ERCC4: variants seen among roughly 807,000 people sequenced by gnomAD.
ERCC4 encodes the protein DNA repair endonuclease XPF.
A neutral mutation model predicts 76.9 loss-of-function variants in ERCC4; 65 were observed. The observed-to-expected ratio is 0.84, with a 90% CI of 0.69 to 1.04. The LOEUF (loss-of-function observed/expected upper bound fraction) is 1.04. ERCC4 is among the 50% of genes least tolerant of loss of function. The pLI, the probability that ERCC4 is intolerant of heterozygous loss-of-function variation, is 0.00. For missense variants in ERCC4, 1,214 were observed against 1,128.2 expected (o/e 1.08, Z -1.09); for synonymous variants, 463 against 410.1 (o/e 1.13, Z -1.56).
intron 10 of ERCC4, among the ~76,000 whole-genome samples, chr16:13,945,276 G>A (rs2032492723): frequency 6.6e-6 from 1 of 152,150 alleles, no homozygotes; most frequent in Non-Finnish European, 1.5e-5. Context: ...TAGGTGGGGT[G>A]CATACACTCC....
Position 13,939,266 on chromosome 16 carries a change from G to T in ERCC4, c.1904+1408G>T, listed in dbSNP as rs3136174. The stretch of plus-strand genomic sequence containing the variant: ...TAAACAGGTATTTATTAAGCATCTG[G>T]TATGTGCCAGGCCCTGTGCTAATAT... On this transcript the variant is annotated intron_variant, in intron 9 of 10. Coordinates refer to ENST00000311895, the MANE Select transcript of ERCC4 (RefSeq NM_005236.3). Among the ~76,000 whole-genome samples, 528 of 152,270 alleles carry T rather than the reference G, an allele frequency of 3.5e-3. 5 individuals are homozygous for T. The highest frequency in any genetic ancestry group is 0.012 in the African/African-American group (484 of 41,556).
Position 13,949,373 on chromosome 16 carries a change from G to C in ERCC4, c.*1026G>C, listed in dbSNP as rs368797729. On this transcript the variant is annotated 3_prime_UTR_variant, in exon 11 of 11. Transcript: ENST00000311895. ...GCCGAGATCGCACCACTGCACCCCT[G>C]CCTGGGCGACAGAGTGAGACTTTGT... is the stretch of plus-strand genomic sequence containing the variant. The C allele has an allele frequency of 4.3e-6, 1 of 233,332 alleles. No homozygotes were observed. Among genetic ancestry groups the C allele is most frequent in the Non-Finnish European group, 8.5e-6 (1 of 118,196 alleles). The allele number at this position is 233,332 out of a possible 1,614,324, so 14.5% of individuals were successfully genotyped here. A position where few individuals can be genotyped will look rare whatever the true frequency, so the allele number is the denominator to read the frequency against.
At chr16:13,933,508 A>G (rs2032223408) in intron 6 of ERCC4, 1 of 152,836 alleles carries the variant, frequency 6.5e-6, no homozygotes, top group African/African-American at 2.4e-5. Context: ...CAGGAGTTCG[A>G]GACTAGCCTG....
At chr16:13,938,879 G>A (rs919040097) in intron 9 of ERCC4, among the ~76,000 whole-genome samples, 116 of 152,286 alleles carry the variant, frequency 7.6e-4, no homozygotes, top group African/African-American at 2.5e-3. Context: ...TGGAAATGGG[G>A]GTATTTGCTG....
intron 4 of ERCC4, 116 bp downstream of exon 4, chr16:13,928,351 G>T: frequency 4.0e-6 from 3 of 750,494 alleles, no homozygotes; most frequent in Non-Finnish European, 6.7e-6. Flanking sequence ...AATAAAATTG[G>T]AGGTCACTTA....
chr16:13,931,738 A>G (rs1255945797), intron 5 of ERCC4: 1 of 175,774 alleles, frequency 5.7e-6, no homozygotes, highest in Non-Finnish European at 1.2e-5. Flanking sequence ...ATTTTCCTAT[A>G]AATTATTACT....
intron 2 of ERCC4, among the ~76,000 whole-genome samples, chr16:13,925,271 G>A (rs1458063951): frequency 6.6e-6 from 1 of 152,168 alleles, no homozygotes; most frequent in Non-Finnish European, 1.5e-5. Flanking sequence ...CTTAAATTGA[G>A]TTTCTCCTTT....
chr16:13,944,051 C>G (rs1050230036), intron 9 of ERCC4: 1 of 153,018 alleles, frequency 6.5e-6, no homozygotes, highest in Admixed American at 6.5e-5. Context: ...GTACCTAGAG[C>G]ACCACGCAGG....
At chr16:13,936,220 T>C (rs190212862) in intron 8 of ERCC4, among the ~76,000 whole-genome samples, 48 of 152,364 alleles carry the variant, frequency 3.2e-4, no homozygotes, top group Middle Eastern at 3.4e-3. Context: ...TTTCAAGATA[T>C]ATCAGATGAA....
chr16:13,949,555 C>T lies in ERCC4; in HGVS notation c.*1208C>T, dbSNP rs1283902650. The stretch of plus-strand genomic sequence containing the variant: ...CACTAAGCTTTTAAGATTTGATTTT[C>T]CTGCCTTGAGATAAAAAGGAGTGTA... On this transcript the variant is annotated 3_prime_UTR_variant, in exon 11 of 11. Transcript: ENST00000311895. 4.3e-6 allele frequency: 1 copy of T among 232,776 alleles called. No individual in the cohort carries two copies. The highest frequency in any genetic ancestry group is 2.2e-5 in the African/African-American group (1 of 45,284). The allele number at this position is 232,776 out of a possible 1,614,324, so 14.4% of individuals were successfully genotyped here.
intron 1 of ERCC4, among the ~76,000 whole-genome samples, chr16:13,921,158 G>A (rs2141938626): frequency 7.1e-6 from 1 of 140,962 alleles, no homozygotes; most frequent in Non-Finnish European, 1.6e-5. Context: ...AGGAGATGCT[G>A]AGGCGCTGGA....
chr16:13,935,231 G>A lies in ERCC4; in HGVS notation c.1299G>A (p.Leu433=). ...CTCTTGGAGCGGAGGCCTTCTTATT[G>A]AGGCTCTACAGGAAAACCTTTGAGA... is the stretch of plus-strand genomic sequence containing the variant. The part of the protein sequence containing the change: ...YITLGAEAFL[L]RLYRKTFEKD... Residue 433 remains leucine (L), a synonymous_variant, in exon 8 of 11, where the codon TTG becomes TTA. Coordinates refer to ENST00000311895, the MANE Select transcript of ERCC4 (RefSeq NM_005236.3). 1 of 1,614,050 alleles carries A rather than the reference G, an allele frequency of 6.2e-7. No individual in the cohort carries two copies. Among genetic ancestry groups the A allele is most frequent in the Non-Finnish European group, 8.5e-7 (1 of 1,179,974 alleles).
intron 2 of ERCC4, among the ~76,000 whole-genome samples, chr16:13,926,026 C>G (rs1213961729): frequency 1.3e-5 from 2 of 152,102 alleles, no homozygotes; most frequent in Non-Finnish European, 2.9e-5. Context: ...TCTTCTGATT[C>G]TGAAAATTGA....
intron 9 of ERCC4, among the ~76,000 whole-genome samples, chr16:13,938,342 T>C (rs2032346245): frequency 6.6e-6 from 1 of 152,142 alleles, no homozygotes; most frequent in Non-Finnish European, 1.5e-5. Context: ...TTAGGAAGTG[T>C]GTTGTTTGTC....
chr16:13,920,210 G>C lies in ERCC4; in HGVS notation c.45G>C (p.Leu15=). The C allele has an allele frequency of 6.2e-7, 1 of 1,607,578 alleles. No homozygotes were observed. The highest frequency in any genetic ancestry group is 1.3e-5 in the African/African-American group (1 of 75,058). The change falls in exon 1 of 11, where the codon CTG becomes CTC. Residue 15 remains leucine (L), a synonymous_variant. Transcript: ENST00000311895. The part of the protein sequence containing the change: ...QPARRIAMAP[L]LEYERQLVLE... ...CTCGACGGATTGCCATGGCGCCGCTGCTGGAGTACGAGCGACAGCTGGTGC... is the reference window on the plus strand; with the variant it reads ...CTCGACGGATTGCCATGGCGCCGCTCCTGGAGTACGAGCGACAGCTGGTGC...
chr16:13,936,408 T>C (rs1201191222), intron 8 of ERCC4, among the ~76,000 whole-genome samples: 6 of 151,762 alleles, frequency 4.0e-5, no homozygotes, highest in African/African-American at 9.7e-5. Flanking sequence ...CCTTTCAGAG[T>C]AGAGATGAAT....
In ERCC4 at chr16:13,947,773, G is replaced by C. The variant is rs368096448; in HGVS notation, c.2177G>C (p.Arg726Pro). 2 of 1,614,106 alleles carry C rather than the reference G, an allele frequency of 1.2e-6. No individual in the cohort carries two copies. Among genetic ancestry groups the C allele is most frequent in the African/African-American group, 2.7e-5 (2 of 74,932 alleles). ...YILTPEMCVE[R>P]KSISDLIGSL... ...CTCACTCCAGAAATGTGCGTGGAGC[G>C]CAAGAGTATCAGTGATTTAATCGGC... Residue 726 changes from arginine (R) to proline (P), a missense_variant, in exon 11 of 11, where the codon CGC (arginine) becomes CCC (proline). Physicochemically the swap from Arg to Pro is moderately radical, Grantham distance 103. Coordinates refer to ENST00000311895, the MANE Select transcript of ERCC4 (RefSeq NM_005236.3).
chr16:13,934,890 C>T (rs1354381318), intron 7 of ERCC4: 12 of 398,874 alleles, frequency 3.0e-5, no homozygotes, highest in African/African-American at 2.4e-4. Flanking sequence ...CTTTAAAGCC[C>T]CAATTACACC....
At chr16:13,938,966 C>T (rs1645098666) in intron 9 of ERCC4, among the ~76,000 whole-genome samples, 2 of 152,172 alleles carry the variant, frequency 1.3e-5, no homozygotes, top group African/African-American at 2.4e-5. Context: ...CACATCCTCT[C>T]GAATGGTGAT....
Sources: allele counts gnomAD v4.1 joint callset (sites outside exome capture counted in the v4.1 genomes callset), GRCh38; gene constraint gnomAD v4.1.1; transcripts MANE v1.5; gene names NCBI Gene and HGNC (gene_info 2026-07-23, HGNC 2026-07-21).